The following HMGN1 variants were observed in gnomAD, a reference collection of about 807,000 sequenced individuals.
The protein encoded by HMGN1 is non-histone chromosomal protein HMG-14.
Under a neutral mutation model 18.4 loss-of-function variants are expected in HMGN1, and 9 were observed. The ratio of observed to expected loss-of-function variants is 0.49; its 90% CI spans 0.29 to 0.85. The LOEUF (loss-of-function observed/expected upper bound fraction) is 0.85. HMGN1 is among the 40% of genes least tolerant of loss of function. HMGN1 has a pLI of 0.07. For synonymous variants in HMGN1, 59 were observed against 45.0 expected (o/e 1.31, Z -1.24); for missense variants, 151 against 119.2 (o/e 1.27, Z -1.24).
intron 4 of HMGN1, chr21:39,346,328 CAAATGAT>C (rs989325270): frequency 7.7e-5 from 15 of 194,526 alleles, no homozygotes; most frequent in Admixed American, 1.7e-4. Flanking sequence ...CTTTGAGTAA[CAAATGAT>C]AAATGTATTT....
At position 39,342,683 on chromosome 21, in the gene HMGN1, T is replaced by C. The variant is rs2036902198; in HGVS notation, c.*429A>G. The C allele has an allele frequency of 3.1e-6, 1 of 323,446 alleles. No homozygotes were observed. Among genetic ancestry groups the C allele is most frequent in the South Asian group, 2.4e-5 (1 of 42,236 alleles). The allele number at this position is 323,446 out of a possible 1,614,324, so 20.0% of individuals were successfully genotyped here. A position where few individuals can be genotyped will look rare whatever the true frequency, so the allele number is the denominator to read the frequency against. ...GGCAGAGAGAGCCATGATCAAAGAG[T>C]GGTTTTCTTTAGGAAACAATTCTAC... On this transcript the variant is annotated 3_prime_UTR_variant, in exon 6 of 6. Transcript: ENST00000380749.
Position 39,348,311 on chromosome 21 carries a change from G to T in HMGN1, c.107C>A (p.Pro36Gln), listed in dbSNP as rs780926349. The change falls in exon 4 of 6, where the codon CCG becomes CAG. Residue 36 changes from proline to glutamine, a missense_variant. Physicochemically the swap from Pro to Gln is moderately conservative, Grantham distance 76. Coordinates refer to ENST00000380749, the MANE Select transcript of HMGN1 (RefSeq NM_004965.7). ...GCTTACCTTCGCTGCTGCCTTTTTCGGCTTCGCTTCCACTTTTGCAGGAGG... is the reference window on the plus strand; with the variant it reads ...GCTTACCTTCGCTGCTGCCTTTTTCTGCTTCGCTTCCACTTTTGCAGGAGG... ...AKPPAKVEAK[P>Q]KKAAAKDKSS... 6.2e-7 allele frequency: 1 copy of T among 1,614,052 alleles called. No homozygotes were observed. The highest frequency in any genetic ancestry group is 8.5e-7 in the Non-Finnish European group (1 of 1,179,978).
At chr21:39,345,866 T>C (rs553849624) in intron 4 of HMGN1, 114 of 1,303,190 alleles carry the variant, frequency 8.7e-5, no homozygotes, top group Non-Finnish European at 1.1e-4. Flanking sequence ...TCAGGTTGAC[T>C]ATCCTGCTAC....
Position 39,349,043 on chromosome 21 carries a change from G to C in HMGN1, c.-126C>G, listed in dbSNP as rs879656226. Reference sequence around the variant, plus strand: ...CCTTGCCGCTGCCACTCCTCCCGCCGCCCGAGCTGCTGAGACCCACAGCGG... The same window carrying C: ...CCTTGCCGCTGCCACTCCTCCCGCCCCCCGAGCTGCTGAGACCCACAGCGG... On this transcript the variant is annotated 5_prime_UTR_variant, in exon 1 of 6. Coordinates refer to ENST00000380749, the MANE Select transcript of HMGN1 (RefSeq NM_004965.7). 9.4e-7 allele frequency: 1 copy of C among 1,068,208 alleles called. No homozygotes were observed. Among genetic ancestry groups the C allele is most frequent in the Non-Finnish European group, 1.2e-6 (1 of 853,332 alleles). The allele number at this position is 1,068,208 out of a possible 1,614,324, so 66.2% of individuals were successfully genotyped here. A position where few individuals can be genotyped will look rare whatever the true frequency, so the allele number is the denominator to read the frequency against.
At chr21:39,346,351 A>G (rs1019203176) in intron 4 of HMGN1, 10 of 185,476 alleles carry the variant, frequency 5.4e-5, no homozygotes, top group Non-Finnish European at 9.2e-5. Flanking sequence ...TATTTGAGAC[A>G]AAACTGCTAC....
At position 39,348,451 on chromosome 21, in the gene HMGN1, G is replaced by A. The variant is rs1307824506; in HGVS notation, c.49C>T (p.Pro17Ser). ...GACAACCGCGCCGATCTCCTCTTGG[G>A]CTTGGAGAAAGAAAAAGGAGAGTCA... ...SSAEGAAKEE[P>S]KRRSARLSAK... The change falls in exon 3 of 6, where the codon CCC (proline) becomes TCC (serine). Residue 17 changes from proline to serine, a missense_variant and splice_region_variant. By Grantham distance (74) the Pro-to-Ser change is moderately conservative (BLOSUM62 -1). Transcript: ENST00000380749. The A allele has an allele frequency of 6.2e-7, 1 of 1,614,092 alleles. No homozygotes were observed. The highest frequency in any genetic ancestry group is 8.5e-7 in the Non-Finnish European group (1 of 1,180,048).
At chr21:39,348,823 C>T (rs2037165030) in intron 1 of HMGN1, 80 bp downstream of exon 1, 1 of 1,054,432 alleles carries the variant, frequency 9.5e-7, no homozygotes, top group Non-Finnish European at 1.2e-6. Context: ...GTGGGTGCAA[C>T]GGGGCCTGGG....
rs2146861169 is a variant in HMGN1, at chr21:39,348,550, C to G, written c.43G>C (p.Glu15Gln). ...CGCAGAAGGCCCGCACTCACCTCTTCCTTGGCGGCGCCTTCGGCGGAGCTG... is the reference window on the plus strand; with the variant it reads ...CGCAGAAGGCCCGCACTCACCTCTTGCTTGGCGGCGCCTTCGGCGGAGCTG... ...KVSSAEGAAK[E>Q]EPKRRSARLS... The change falls in exon 2 of 6, where the codon GAA (glutamate) becomes CAA (glutamine). Residue 15 changes from glutamate to glutamine, a missense_variant. Coordinates refer to ENST00000380749, the MANE Select transcript of HMGN1 (RefSeq NM_004965.7). 1 of 1,613,206 alleles carries G rather than the reference C, an allele frequency of 6.2e-7. No individual in the cohort carries two copies. The highest frequency in any genetic ancestry group is 1.1e-5 in the South Asian group (1 of 91,050).
chr21:39,343,416 CTCTG>C (rs1206726606), intron 5 of HMGN1, among the ~76,000 whole-genome samples: 1 of 152,172 alleles, frequency 6.6e-6, no homozygotes, highest in Non-Finnish European at 1.5e-5. Context: ...GCTGAGGTCA[CTCTG>C]TCTTCTTGTT....
Position 39,348,293 on chromosome 21 carries a change from T to C in HMGN1, c.125A>G (p.Lys42Arg). 6.2e-7 allele frequency: 1 copy of C among 1,614,114 alleles called. No homozygotes were observed. Among genetic ancestry groups the C allele is most frequent in the South Asian group, 1.1e-5 (1 of 91,088 alleles). ...VEAKPKKAAA[K>R]DKSSDKKVQT... ...CCCAATGCGCGTTTCGAGGCTTACCTTCGCTGCTGCCTTTTTCGGCTTCGC... is the reference window on the plus strand; with the variant it reads ...CCCAATGCGCGTTTCGAGGCTTACCCTCGCTGCTGCCTTTTTCGGCTTCGC... The change falls in exon 4 of 6, where the codon AAG becomes AGG. Residue 42 changes from lysine to arginine, a missense_variant and splice_region_variant. Physicochemically the swap from Lys to Arg is conservative, Grantham distance 26 (BLOSUM62 2). Transcript: ENST00000380749.
chr21:39,348,475 C>T, intron 2 of HMGN1, 24 bp from the exon 3 acceptor site: 1 of 1,614,152 alleles, frequency 6.2e-7, no homozygotes, highest in African/African-American at 1.3e-5. Context: ...AAAGGAGAGT[C>T]AGCGAGAAGA....
chr21:39,344,902 G>C (rs1342713576), intron 5 of HMGN1, among the ~76,000 whole-genome samples: 1 of 152,054 alleles, frequency 6.6e-6, no homozygotes, highest in East Asian at 1.9e-4. Flanking sequence ...AACAAAGATT[G>C]AATTATATCT....
At position 39,349,064 on chromosome 21, in the gene HMGN1, A is replaced by T. The variant is rs1254974756; in HGVS notation, c.-147T>A. The T allele has an allele frequency of 4.4e-6, 4 of 907,240 alleles. No individual in the cohort carries two copies. Among genetic ancestry groups the T allele is most frequent in the East Asian group, 4.2e-5 (1 of 23,688 alleles). 56.2% of individuals were successfully genotyped at this position (907,240 alleles called of 1,614,324 possible). On this transcript the variant is annotated 5_prime_UTR_variant, in exon 1 of 6. Coordinates refer to ENST00000380749, the MANE Select transcript of HMGN1 (RefSeq NM_004965.7). ...CGCCGCCCGAGCTGCTGAGACCCAC[A>T]GCGGGGGCGGTGGGAGAACCGGATG...
At chr21:39,346,560 G>A (rs1009059638) in intron 4 of HMGN1, 2 of 152,148 alleles carry the variant, frequency 1.3e-5, no homozygotes, top group Non-Finnish European at 2.9e-5. Flanking sequence ...CAGCTGAAAA[G>A]CTAGATTAAA....
Position 39,349,034 on chromosome 21 carries a change from C to G in HMGN1, c.-117G>C. 1 of 1,110,756 alleles carries G rather than the reference C, an allele frequency of 9.0e-7. No individual in the cohort carries two copies. Among genetic ancestry groups the G allele is most frequent in the Non-Finnish European group, 1.1e-6 (1 of 890,094 alleles). 68.8% of individuals were successfully genotyped at this position (1,110,756 alleles called of 1,614,324 possible). On this transcript the variant is annotated 5_prime_UTR_variant, in exon 1 of 6. Coordinates refer to ENST00000380749, the MANE Select transcript of HMGN1 (RefSeq NM_004965.7). Reference sequence around the variant, plus strand: ...ACTGGGCTGCCTTGCCGCTGCCACTCCTCCCGCCGCCCGAGCTGCTGAGAC... The same window carrying G: ...ACTGGGCTGCCTTGCCGCTGCCACTGCTCCCGCCGCCCGAGCTGCTGAGAC...
At chr21:39,348,175 A>G in intron 4 of HMGN1, 117 bp downstream of exon 4, 1 of 1,334,154 alleles carries the variant, frequency 7.5e-7, no homozygotes, top group Non-Finnish European at 1.0e-6. Context: ...AAAATTATTT[A>G]CCGTAATTAT....
chr21:39,344,900 TTGAATTATATC>T (rs1331505409), intron 5 of HMGN1, among the ~76,000 whole-genome samples: 2 of 152,136 alleles, frequency 1.3e-5, no homozygotes, highest in Admixed American at 6.5e-5. Context: ...AAAACAAAGA[TTGAATTATATC>T]TGAAATTGAG....
At chr21:39,345,896 TATA>T (rs2037035668) in intron 4 of HMGN1, 4 of 1,302,220 alleles carry the variant, frequency 3.1e-6, no homozygotes, top group Non-Finnish European at 4.1e-6. Flanking sequence ...CTTCATATCA[TATA>T]ATGAGGAACT....
In HMGN1 at chr21:39,347,785, C is replaced by T. The variant is rs145503211; in HGVS notation, c.126+507G>A. On this transcript the variant is annotated intron_variant, in intron 4 of 5. Transcript: ENST00000380749. The stretch of plus-strand genomic sequence containing the variant: ...CCAAAATCACGGTTTTGTATAACTG[C>T]TGATGAACACTTCCAGAGTAGTGGC... 203 of 307,266 alleles carry T rather than the reference C, an allele frequency of 6.6e-4. 1 individual carries two copies. Among genetic ancestry groups the T allele is most frequent in the African/African-American group, 4.1e-3 (182 of 44,224 alleles). 19.0% of individuals were successfully genotyped at this position (307,266 alleles called of 1,614,324 possible). A position where few individuals can be genotyped will look rare whatever the true frequency, so the allele number is the denominator to read the frequency against.
Sources: gnomAD v4.1 joint callset for allele counts (sites outside exome capture counted in the v4.1 genomes callset) on GRCh38, gnomAD v4.1.1 for gene constraint, MANE v1.5 for transcripts, NCBI Gene and HGNC (gene_info 2026-07-23, HGNC 2026-07-21) for gene names.